The following COL24A1 variants were observed in gnomAD, a reference collection of about 807,000 sequenced individuals.
COL24A1 encodes collagen type XXIV alpha 1 chain, also known as collagen alpha-1(XXIV) chain.
A neutral mutation model predicts 253.9 loss-of-function variants in COL24A1; 224 were observed. The ratio of observed to expected loss-of-function variants is 0.88; its 90% confidence interval spans 0.79 to 0.99. COL24A1 has a LOEUF of 0.99. Ranked by LOEUF, COL24A1 falls within the 50% of genes least tolerant of loss-of-function variation. COL24A1 has a pLI of 0.00. For missense variants in COL24A1, 2,131 were observed against 2,068.5 expected, an observed-to-expected ratio of 1.03 and a Z score of -0.59; for synonymous variants, 685 against 673.7, an observed-to-expected ratio of 1.02 and a Z score of -0.26.
chr1:85,810,031 G>A (rs1672372232), intron 47 of COL24A1, among the ~76,000 whole-genome samples: 1 of 151,362 alleles, frequency 6.6e-6, no homozygotes, highest in African/African-American at 2.4e-5. Context: ...TATCCTAGGT[G>A]AGGAAGGAGG....
chr1:86,054,047 A>G (rs1700502441), intron 10 of COL24A1, among the ~76,000 whole-genome samples: 1 of 152,140 alleles, frequency 6.6e-6, no homozygotes, highest in Non-Finnish European at 1.5e-5. Flanking sequence ...TTGGGAAAGA[A>G]TACCCTGTTC....
intron 18 of COL24A1, among the ~76,000 whole-genome samples, chr1:86,020,061 C>CTTTTTTTTTTTTTTTTTTTTTT (rs10582249): frequency 2.9e-5 from 3 of 102,594 alleles, no homozygotes; most frequent in Non-Finnish European, 5.9e-5. Flanking sequence ...TTCATTCTTT[C>CTTTTTTTTTTTTTTTTTTTTTT]TTTTTTTTTT....
In COL24A1 at chr1:85,965,017, C is replaced by CTTCT; in HGVS notation, c.2505_2508dup (p.Gly837ArgfsTer18). On this transcript the variant is annotated frameshift_variant, in exon 23 of 60. Transcript: ENST00000370571. LOFTEE classifies it high-confidence loss of function. ...AAAGTCAGTTGCTTTACCTTTAAGCCTTCTGGTCCTGGTTCACCTGCATAC... is the reference window on the plus strand; with the variant it reads ...AAAGTCAGTTGCTTTACCTTTAAGCCTTCTTTCTGGTCCTGGTTCACCTGCATAC... 6.2e-7 allele frequency: 1 copy of CTTCT among 1,610,312 alleles called. No individual in the cohort carries two copies. The highest frequency in any genetic ancestry group is 8.5e-7 in the Non-Finnish European group (1 of 1,177,908).
At chr1:85,788,555 G>C (rs1004262903) in intron 47 of COL24A1, among the ~76,000 whole-genome samples, 1 of 152,162 alleles carries the variant, frequency 6.6e-6, no homozygotes, top group Non-Finnish European at 1.5e-5. Flanking sequence ...CTGTGCAGAA[G>C]CTCTTTAGTT....
intron 19 of COL24A1, among the ~76,000 whole-genome samples, chr1:85,991,307 A>C (rs147084107): frequency 3.5e-4 from 54 of 152,334 alleles, no homozygotes; most frequent in Middle Eastern, 3.4e-3. Context: ...TTTAAGGGGG[A>C]AAACAGGGAA....
At chr1:85,778,023 C>CTCCATCTATCTATCTA (rs1553173098) in intron 52 of COL24A1, among the ~76,000 whole-genome samples, 1 of 149,130 alleles carries the variant, frequency 6.7e-6, no homozygotes, top group Non-Finnish European at 1.5e-5. Context: ...ATGTCTCTAT[C>CTCCATCTATCTATCTA]TCTATCTATC....
chr1:85,923,946 G>A (rs566605244), intron 24 of COL24A1, among the ~76,000 whole-genome samples: 2 of 152,202 alleles, frequency 1.3e-5, no homozygotes, highest in South Asian at 2.1e-4. Flanking sequence ...GAAGAAAAGA[G>A]AGAAGAATCA....
chr1:86,124,567 C>T (rs1469322989), intron 3 of COL24A1, among the ~76,000 whole-genome samples: 2 of 151,616 alleles, frequency 1.3e-5, no homozygotes, highest in African/African-American at 4.8e-5. Flanking sequence ...TTCAACTGAA[C>T]AAGAAAAACA....
intron 32 of COL24A1, among the ~76,000 whole-genome samples, chr1:85,878,217 T>C (rs1018128447): frequency 1.3e-5 from 2 of 152,214 alleles, no homozygotes; most frequent in African/African-American, 4.8e-5. Flanking sequence ...CCCACAGTTC[T>C]GGAGGCTGGA....
intron 2 of COL24A1, among the ~76,000 whole-genome samples, chr1:86,141,302 GAT>G (rs1651038261): frequency 6.6e-6 from 1 of 152,192 alleles, no homozygotes; most frequent in South Asian, 2.1e-4. Context: ...GGGGGTTGAG[GAT>G]ATGTGAGGGT....
chr1:85,841,606 A>G (rs777907110), intron 41 of COL24A1, among the ~76,000 whole-genome samples: 9 of 152,256 alleles, frequency 5.9e-5, no homozygotes, highest in African/African-American at 2.2e-4. Context: ...TCTTTAATAT[A>G]AATGAGCCAG....
chr1:86,135,613 T>C (rs921664047), intron 2 of COL24A1, among the ~76,000 whole-genome samples: 2 of 152,030 alleles, frequency 1.3e-5, no homozygotes, highest in Admixed American at 6.6e-5. Flanking sequence ...TCCTTCCCAT[T>C]TCATCTTGAT....
rs1682883329 is a variant in COL24A1 at position 85,889,577 on chromosome 1, C to A, written c.2959G>T (p.Gly987Ter). 1 of 1,613,190 alleles carries A rather than the reference C, an allele frequency of 6.2e-7. No homozygotes were observed. The highest frequency in any genetic ancestry group is 8.5e-7 in the Non-Finnish European group (1 of 1,179,358). The change falls in exon 32 of 60, where the codon GGA becomes TGA. Residue 987 changes from glycine (G) to a stop codon, truncating the protein, a stop_gained. Coordinates refer to ENST00000370571, the MANE Select transcript of COL24A1 (RefSeq NM_152890.7). LOFTEE classifies it high-confidence loss of function. ...QGLPGSTGDR[G>*]LPGEPGLRGL... Reference sequence around the variant, plus strand: ...AAACTTACTGGCTCTCCTGGAAGTCCTCTGTCACCTGTACTTCCAGGCAAT... The same window carrying A: ...AAACTTACTGGCTCTCCTGGAAGTCATCTGTCACCTGTACTTCCAGGCAAT...
At chr1:85,932,109 T>A (rs61785118) in intron 24 of COL24A1, among the ~76,000 whole-genome samples, 12,732 of 75,382 alleles carry the variant, frequency 0.17, 1,071 homozygotes, top group East Asian at 0.36. Flanking sequence ...ACTAAAGAGC[T>A]TCTGCACAGC....
intron 37 of COL24A1, among the ~76,000 whole-genome samples, chr1:85,856,505 A>C (rs1678452996): frequency 6.6e-6 from 1 of 152,128 alleles, no homozygotes; most frequent in Non-Finnish European, 1.5e-5. Context: ...TATAGTTTTG[A>C]GAAATTTGTA....
At chr1:86,011,404 A>G (rs570803364) in intron 19 of COL24A1, among the ~76,000 whole-genome samples, 2 of 152,320 alleles carry the variant, frequency 1.3e-5, no homozygotes, top group African/African-American at 4.8e-5. Flanking sequence ...AAATATCAAC[A>G]TGTATAATTA....
intron 7 of COL24A1, among the ~76,000 whole-genome samples, chr1:86,087,516 A>G (rs936157131): frequency 5.3e-5 from 8 of 152,200 alleles, no homozygotes; most frequent in African/African-American, 1.9e-4. Context: ...AAACTACTCA[A>G]CATTTACTTA....
At chr1:85,827,651 G>A (rs1674562151) in intron 43 of COL24A1, among the ~76,000 whole-genome samples, 1 of 151,988 alleles carries the variant, frequency 6.6e-6, no homozygotes, top group South Asian at 2.1e-4. Flanking sequence ...GTTTAGTCTT[G>A]GGAGGGTGTA....
chr1:85,830,315 GCT>G (rs960647949), intron 43 of COL24A1, among the ~76,000 whole-genome samples: 2 of 152,132 alleles, frequency 1.3e-5, no homozygotes, highest in African/African-American at 2.4e-5. Flanking sequence ...GAGAACCACT[GCT>G]CTCTTCAAAG....
Sources: gnomAD v4.1 joint callset for allele counts (sites outside exome capture counted in the v4.1 genomes callset) on GRCh38, gnomAD v4.1.1 for gene constraint, MANE v1.5 for transcripts, NCBI Gene and HGNC (gene_info 2026-07-23, HGNC 2026-07-21) for gene names.